The following ZFPM2 variants were observed in gnomAD, a reference collection of about 807,000 sequenced individuals.
The protein encoded by ZFPM2 is zinc finger protein, FOG family member 2.
ZFPM2 carries 20 observed loss-of-function variants against 98.6 expected under a neutral mutation model. The observed-to-expected ratio is 0.20, with a 90% CI of 0.14 to 0.29. The LOEUF is 0.29. Among genes scored for constraint, ZFPM2 ranks in the 10% least tolerant of loss-of-function variants. The pLI is 1.00. For missense variants in ZFPM2, 1,310 were observed against 1,388.6 expected, an observed-to-expected ratio of 0.94 and a Z score of 0.90; for synonymous variants, 518 against 502.7, an observed-to-expected ratio of 1.03 and a Z score of -0.41.
chr8:105,338,458 T>C (rs1250128489), intron 1 of ZFPM2, among the ~76,000 whole-genome samples: 17 of 151,846 alleles, frequency 1.1e-4, no homozygotes, highest in Admixed American at 1.1e-3. Context: ...TAAATGTTAC[T>C]CTATAAGATA....
At chr8:105,441,993 G>A (rs540082266) in intron 2 of ZFPM2, among the ~76,000 whole-genome samples, 1 of 152,108 alleles carries the variant, frequency 6.6e-6, no homozygotes, top group East Asian at 1.9e-4. Flanking sequence ...CTTTATGCTT[G>A]CTAAGACTTG....
chr8:105,377,571 G>C (rs1345285167), intron 1 of ZFPM2, among the ~76,000 whole-genome samples: 1 of 131,274 alleles, frequency 7.6e-6, no homozygotes, highest in East Asian at 2.1e-4. Flanking sequence ...CGACCAGCTT[G>C]GCCAACATAG....
intron 3 of ZFPM2, among the ~76,000 whole-genome samples, chr8:105,534,591 TATAA>T (rs1208944314): frequency 6.6e-6 from 1 of 151,978 alleles, no homozygotes; most frequent in Non-Finnish European, 1.5e-5. Context: ...AGCTTAAGCT[TATAA>T]AGATTAATAG....
At chr8:105,327,975 T>A (rs911382306) in intron 1 of ZFPM2, among the ~76,000 whole-genome samples, 2 of 151,712 alleles carry the variant, frequency 1.3e-5, no homozygotes, top group Admixed American at 1.3e-4. Context: ...CAAAGGCATT[T>A]GTGTGTGTGT....
intron 4 of ZFPM2, among the ~76,000 whole-genome samples, chr8:105,574,283 A>G (rs926630403): frequency 2.6e-5 from 4 of 152,212 alleles, no homozygotes; most frequent in African/African-American, 9.6e-5. Flanking sequence ...TAGTGCATTT[A>G]TCATCTAAGC....
intron 3 of ZFPM2, among the ~76,000 whole-genome samples, chr8:105,517,024 G>A (rs951640741): frequency 6.6e-6 from 1 of 152,170 alleles, no homozygotes; most frequent in Admixed American, 6.5e-5. Flanking sequence ...CATCGTCTGA[G>A]TAACTTTCAC....
chr8:105,684,168 T>A (rs1810680227), intron 5 of ZFPM2, among the ~76,000 whole-genome samples: 1 of 152,120 alleles, frequency 6.6e-6, no homozygotes, highest in Admixed American at 6.6e-5. Context: ...CATTTATACA[T>A]CAGATTTGAG....
At chr8:105,648,196 A>C (rs1817091356) in intron 5 of ZFPM2, among the ~76,000 whole-genome samples, 1 of 152,104 alleles carries the variant, frequency 6.6e-6, no homozygotes, top group Non-Finnish European at 1.5e-5. Flanking sequence ...GTGTCTGTTC[A>C]TGTCCTTTGC....
chr8:105,790,042 T>C (rs931602557), intron 6 of ZFPM2, among the ~76,000 whole-genome samples: 2 of 151,836 alleles, frequency 1.3e-5, no homozygotes, highest in East Asian at 3.9e-4. Flanking sequence ...GGTTGCCTGT[T>C]CACTCTGATG....
intron 3 of ZFPM2, among the ~76,000 whole-genome samples, chr8:105,559,925 A>C (rs1372306941): frequency 1.3e-5 from 2 of 152,128 alleles, no homozygotes; most frequent in Non-Finnish European, 2.9e-5. Flanking sequence ...TGTTATTACT[A>C]GGCCAGGCGC....
chr8:105,747,539 A>G (rs1812376303), intron 5 of ZFPM2, among the ~76,000 whole-genome samples: 2 of 152,092 alleles, frequency 1.3e-5, no homozygotes, highest in East Asian at 3.9e-4. Flanking sequence ...ATTAAAACCA[A>G]ACAGGAAAAC....
At chr8:105,529,920 G>A (rs1199092072) in intron 3 of ZFPM2, among the ~76,000 whole-genome samples, 5 of 151,800 alleles carry the variant, frequency 3.3e-5, no homozygotes, top group African/African-American at 4.8e-5. Flanking sequence ...TAGTAGAGAC[G>A]GGGTTTCACC....
intron 4 of ZFPM2, among the ~76,000 whole-genome samples, chr8:105,587,896 T>C (rs114159497): frequency 0.011 from 1,694 of 152,198 alleles, 35 homozygotes; most frequent in African/African-American, 0.039. Flanking sequence ...TTTCCAGACA[T>C]TTCCAGGTGT....
At chr8:105,458,032 G>A (rs773793503) in intron 3 of ZFPM2, among the ~76,000 whole-genome samples, 2 of 152,164 alleles carry the variant, frequency 1.3e-5, no homozygotes, top group Non-Finnish European at 2.9e-5. Context: ...CTGGTCTTGT[G>A]TGGTGTTTGG....
intron 4 of ZFPM2, among the ~76,000 whole-genome samples, chr8:105,573,224 C>A (rs992530849): frequency 6.6e-6 from 1 of 152,066 alleles, no homozygotes; most frequent in Non-Finnish European, 1.5e-5. Flanking sequence ...GAGCATAGGA[C>A]AGGGAGCCCA....
At chr8:105,707,906 G>A (rs1242429082) in intron 5 of ZFPM2, among the ~76,000 whole-genome samples, 6 of 152,124 alleles carry the variant, frequency 3.9e-5, no homozygotes, top group African/African-American at 1.2e-4. Context: ...ATCTTGGAAT[G>A]CTGCTTTTTG....
chr8:105,666,363 C>A (rs901655532), intron 5 of ZFPM2, among the ~76,000 whole-genome samples: 1 of 152,200 alleles, frequency 6.6e-6, no homozygotes, highest in Non-Finnish European at 1.5e-5. Context: ...CGATAACACA[C>A]CTGCTCCAAA....
intron 5 of ZFPM2, among the ~76,000 whole-genome samples, chr8:105,700,869 G>A (rs1481246110): frequency 6.6e-6 from 1 of 152,186 alleles, no homozygotes; most frequent in Non-Finnish European, 1.5e-5. Context: ...GGGATTACAG[G>A]CGTGAGCCAC....
chr8:105,688,906 G>T (rs1391450048), intron 5 of ZFPM2, among the ~76,000 whole-genome samples: 1 of 152,148 alleles, frequency 6.6e-6, no homozygotes, highest in Non-Finnish European at 1.5e-5. Context: ...GAGCATATGA[G>T]AAGCATACCA....
Sources: allele counts gnomAD v4.1 joint callset (sites outside exome capture counted in the v4.1 genomes callset), GRCh38; gene constraint gnomAD v4.1.1; transcripts MANE v1.5; gene names NCBI Gene and HGNC (gene_info 2026-07-23, HGNC 2026-07-21).